VDAC1: variants seen among roughly 807,000 people sequenced by gnomAD.
The protein encoded by VDAC1 is voltage dependent anion channel 1.
VDAC1 carries 10 observed loss-of-function variants against 34.7 expected under a neutral mutation model. The ratio of observed to expected loss-of-function variants is 0.29; its 90% confidence interval spans 0.18 to 0.49. The LOEUF (loss-of-function observed/expected upper bound fraction) is 0.49. VDAC1 is among the 20% of genes least tolerant of loss of function. The pLI is 0.99. For missense variants in VDAC1, 230 were observed against 347.9 expected, an observed-to-expected ratio of 0.66 and a Z score of 2.69; for synonymous variants, 130 against 136.0, an observed-to-expected ratio of 0.96 and a Z score of 0.30.
At chr5:134,113,701 CGTGGACGCAGACCCGG>C in the VDAC1 span, among the ~76,000 whole-genome samples, 1 of 152,246 alleles carries the variant, frequency 6.6e-6, no homozygotes, top group Non-Finnish European at 1.5e-5. Flanking sequence ...TGGAGGCCCG[CGTGGACGCAGACCCGG>C]GTGCCATACA....
chr5:133,978,129 A>G (rs1351438358), intron 6 of VDAC1, among the ~76,000 whole-genome samples: 2 of 152,082 alleles, frequency 1.3e-5, no homozygotes, highest in Non-Finnish European at 2.9e-5. Context: ...AGTCTTCACA[A>G]GACACTCTCC....
upstream of VDAC1, among the ~76,000 whole-genome samples, chr5:134,009,407 C>A (rs921385912): frequency 6.6e-6 from 1 of 150,906 alleles, no homozygotes; most frequent in East Asian, 2.0e-4. Context: ...TACAGGTACA[C>A]GACACCATGC....
chr5:134,074,229 A>G, the VDAC1 span, among the ~76,000 whole-genome samples: 1 of 151,876 alleles, frequency 6.6e-6, no homozygotes, highest in African/African-American at 2.4e-5. Flanking sequence ...GGAGAATGGC[A>G]TGAACCCGGG....
the VDAC1 span, among the ~76,000 whole-genome samples, chr5:134,111,965 T>C: frequency 6.6e-6 from 1 of 152,132 alleles, no homozygotes; most frequent in Non-Finnish European, 1.5e-5. Context: ...GATGATTAAA[T>C]GAGATAATGT....
chr5:133,998,235 A>G (rs1753408833), intron 1 of VDAC1, among the ~76,000 whole-genome samples: 1 of 152,226 alleles, frequency 6.6e-6, no homozygotes, highest in African/African-American at 2.4e-5. Context: ...CCAATCTGCA[A>G]ATTGGGGCTG....
the VDAC1 span, among the ~76,000 whole-genome samples, chr5:134,103,528 T>G: frequency 6.6e-6 from 1 of 152,126 alleles, no homozygotes; most frequent in Non-Finnish European, 1.5e-5. Context: ...GGCCTCATAG[T>G]TTAGCTCTCC....
the VDAC1 span, among the ~76,000 whole-genome samples, chr5:134,063,470 T>C: frequency 1.3e-5 from 2 of 152,334 alleles, no homozygotes; most frequent in African/African-American, 4.8e-5. Context: ...TGGCCAAGAT[T>C]TGTTATAATT....
the VDAC1 span, among the ~76,000 whole-genome samples, chr5:134,075,837 A>G: frequency 0.015 from 2,249 of 152,270 alleles, 82 homozygotes; most frequent in Admixed American, 0.081. Context: ...CGCCCGCCTC[A>G]GCCTCCCAAA....
chr5:134,001,788 C>G (rs1357348352), intron 1 of VDAC1, among the ~76,000 whole-genome samples: 1 of 151,848 alleles, frequency 6.6e-6, no homozygotes, highest in Non-Finnish European at 1.5e-5. Context: ...TGAGACCGAC[C>G]CTATGGCTCA....
At chr5:133,975,827 C>T in intron 7 of VDAC1, 44 bp downstream of exon 7, 1 of 1,606,524 alleles carries the variant, frequency 6.2e-7, no homozygotes, top group African/African-American at 1.3e-5. Flanking sequence ...ACATAAAGAG[C>T]AGATGGGCCT....
intron 1 of VDAC1, among the ~76,000 whole-genome samples, chr5:133,994,051 C>T (rs540852865): frequency 6.6e-6 from 1 of 152,240 alleles, no homozygotes; most frequent in African/African-American, 2.4e-5. Context: ...TACAGTATAC[C>T]TAAATTATCA....
intron 6 of VDAC1, among the ~76,000 whole-genome samples, chr5:133,979,353 G>C (rs955195880): frequency 4.2e-5 from 6 of 142,590 alleles, no homozygotes; most frequent in Non-Finnish European, 7.6e-5. Context: ...CATGTGGTAT[G>C]TTTCCTATAG....
At chr5:134,004,133 C>T (rs1753665873) in intron 1 of VDAC1, among the ~76,000 whole-genome samples, 1 of 152,162 alleles carries the variant, frequency 6.6e-6, no homozygotes, top group Admixed American at 6.5e-5. Context: ...GGGCGTGGGC[C>T]GGCCAGGGCG....
At chr5:133,984,778 A>T (rs975051782) in intron 5 of VDAC1, among the ~76,000 whole-genome samples, 76 of 152,238 alleles carry the variant, frequency 5.0e-4, no homozygotes, top group African/African-American at 1.8e-3. Context: ...TCTACTAAAA[A>T]TACAAAAATT....
At chr5:133,982,490 CG>C (rs1322604049) in intron 5 of VDAC1, among the ~76,000 whole-genome samples, 1 of 124,334 alleles carries the variant, frequency 8.0e-6, no homozygotes, top group Non-Finnish European at 1.7e-5. Context: ...CCAGCCTGGG[CG>C]ACAGAGTAAG....
the VDAC1 span, among the ~76,000 whole-genome samples, chr5:134,013,952 C>G: frequency 3.9e-4 from 56 of 144,838 alleles, no homozygotes; most frequent in Non-Finnish European, 7.4e-4. Flanking sequence ...CCATCCCACC[C>G]CCCGAAAAAA....
the VDAC1 span, among the ~76,000 whole-genome samples, chr5:134,082,543 T>G: frequency 1.3e-5 from 2 of 152,376 alleles, no homozygotes; most frequent in Admixed American, 1.3e-4. Flanking sequence ...TGTGTAGAAA[T>G]CTTTGGGTGG....
At chr5:134,033,543 G>A in the VDAC1 span, among the ~76,000 whole-genome samples, 2 of 152,078 alleles carry the variant, frequency 1.3e-5, no homozygotes, top group East Asian at 3.9e-4. Flanking sequence ...AATGTGAATG[G>A]ATAGAAGTCA....
intron 5 of VDAC1, 198 bp from the exon 6 acceptor site, chr5:133,981,154 A>C (rs1752681879): frequency 1.7e-6 from 1 of 585,328 alleles, no homozygotes. Flanking sequence ...CAGTCTGCAG[A>C]AACCCCACAA....
Sources: allele counts gnomAD v4.1 joint callset (sites outside exome capture counted in the v4.1 genomes callset), GRCh38; gene constraint gnomAD v4.1.1; transcripts MANE v1.5; gene names NCBI Gene and HGNC (gene_info 2026-07-23, HGNC 2026-07-21).